The following KMT2A variants were observed in gnomAD, a reference collection of about 807,000 sequenced individuals.
The protein encoded by KMT2A is lysine methyltransferase 2A, also known as histone-lysine N-methyltransferase 2A.
A neutral mutation model predicts 345.3 loss-of-function variants in KMT2A; 16 were observed. The observed-to-expected ratio is 0.05, with a 90% confidence interval of 0.03 to 0.07. The LOEUF is 0.07. Among genes scored for constraint, KMT2A ranks in the 10% least tolerant of loss-of-function variants. The pLI is 1.00. For missense variants in KMT2A, 3,272 were observed against 4,841.6 expected (o/e 0.68, Z 9.62); for synonymous variants, 1,599 against 1,778.6 (o/e 0.90, Z 2.54).
At chr11:118,455,460 C>G (rs1949623463) in intron 1 of KMT2A, among the ~76,000 whole-genome samples, 1 of 151,992 alleles carries the variant, frequency 6.6e-6, no homozygotes, top group Non-Finnish European at 1.5e-5. Context: ...CAGTTAATGC[C>G]TTCTCTACAT....
chr11:118,512,258 A>C, intron 31 of KMT2A: 404 of 547,246 alleles, frequency 7.4e-4, no homozygotes, highest in East Asian at 1.2e-3. Flanking sequence ...GAACATTCTC[A>C]TCATCCCTAA....
rs1351038768 is a variant in KMT2A at position 118,502,132 on chromosome 11, A to T, written c.6506-266A>T. Among the ~76,000 whole-genome samples, 1 of 152,008 alleles carries T rather than the reference A, an allele frequency of 6.6e-6. No individual in the cohort carries two copies. The highest frequency in any genetic ancestry group is 2.4e-5 in the African/African-American group (1 of 41,418). On this transcript the variant is annotated intron_variant, in intron 26 of 35. Coordinates refer to ENST00000534358, the MANE Select transcript of KMT2A (RefSeq NM_001197104.2). This position sits in a 1 kb window ranked among gnomAD's most constrained non-coding sequence, Gnocchi z 4.9. ...GCCAGGTGTGGCGGTGCATGCCTGT[A>T]ATCCCAGCTACCCAGGAGGCTAAGG...
At position 118,511,932 on chromosome 11, in the gene KMT2A, T is replaced by C. The variant is rs371302797; in HGVS notation, c.11072-19T>C. On this transcript the variant is annotated intron_variant, in intron 30 of 35. Transcript: ENST00000534358. ...CGTGCATATTTTCTGGCTTACGGGTTTTCTTTATTTCCTTTCAGATGCCTG... is the reference window on the plus strand; with the variant it reads ...CGTGCATATTTTCTGGCTTACGGGTCTTCTTTATTTCCTTTCAGATGCCTG... 13 of 1,611,738 alleles carry C rather than the reference T, an allele frequency of 8.1e-6. No homozygotes were observed. In the African/African-American group the frequency reaches 1.7e-4, roughly 22 times the overall value.
At chr11:118,438,640 C>T (rs1213261480) in intron 1 of KMT2A, among the ~76,000 whole-genome samples, 2 of 152,126 alleles carry the variant, frequency 1.3e-5, no homozygotes, top group African/African-American at 2.4e-5. Context: ...CTATTGTGCC[C>T]CGCACCCCTT....
chr11:118,523,304 A>G lies in KMT2A; in HGVS notation c.*1132A>G. The G allele has an allele frequency of 4.4e-6, 1 of 229,480 alleles. No homozygotes were observed. The highest frequency in any genetic ancestry group is 6.2e-5 in the East Asian group (1 of 16,070). 14.2% of individuals were successfully genotyped at this position (229,480 alleles called of 1,614,324 possible). ...TTTTTAAACGGTCAGTGTCCAGTTG[A>G]AGGCAGAACACTAATCAGATTTCAA... On this transcript the variant is annotated 3_prime_UTR_variant, in exon 36 of 36. Coordinates refer to ENST00000534358, the MANE Select transcript of KMT2A (RefSeq NM_001197104.2).
chr11:118,485,956 G>A (rs1364426063), intron 10 of KMT2A, among the ~76,000 whole-genome samples: 3 of 152,112 alleles, frequency 2.0e-5, no homozygotes, highest in South Asian at 2.1e-4. Flanking sequence ...GGTGGCGGGC[G>A]CCTGTAGTCC....
In KMT2A at chr11:118,525,055, G is replaced by C. The variant is rs1951051873; in HGVS notation, c.*2883G>C. ...TGCCAAATTTTCAGCACACCTGCCA[G>C]CAACTTGGGGGAATAAGCGAAGGTT... is the stretch of plus-strand genomic sequence containing the variant. On this transcript the variant is annotated 3_prime_UTR_variant, in exon 36 of 36. Coordinates refer to ENST00000534358, the MANE Select transcript of KMT2A (RefSeq NM_001197104.2). 4.6e-6 allele frequency: 1 copy of C among 215,084 alleles called. No homozygotes were observed. The highest frequency in any genetic ancestry group is 5.9e-5 in the Admixed American group (1 of 17,092). 13.3% of individuals were successfully genotyped at this position (215,084 alleles called of 1,614,324 possible). A position where few individuals can be genotyped will look rare whatever the true frequency, so the allele number is the denominator to read the frequency against.
In KMT2A at chr11:118,526,368, TTCTG is replaced by T. The variant is rs1262094685; in HGVS notation, c.*4200_*4203del. 4.4e-6 allele frequency: 1 copy of T among 226,256 alleles called. No individual in the cohort carries two copies. The highest frequency in any genetic ancestry group is 8.8e-6 in the Non-Finnish European group (1 of 113,856). 14.0% of individuals were successfully genotyped at this position (226,256 alleles called of 1,614,324 possible). On this transcript the variant is annotated 3_prime_UTR_variant, in exon 36 of 36. Coordinates refer to ENST00000534358, the MANE Select transcript of KMT2A (RefSeq NM_001197104.2). ...GGTATCTTGTTCCGAGGTACTCTAG[TTCTG>T]TCTTTCAACCAAGAAAATAGAATTG... is the stretch of plus-strand genomic sequence containing the variant.
At chr11:118,439,137 CT>C in intron 1 of KMT2A, 3 of 405,690 alleles carry the variant, frequency 7.4e-6, no homozygotes, top group Non-Finnish European at 4.8e-6. Flanking sequence ...GTTGATTTTG[CT>C]TTTTTAAAAG....
chr11:118,440,033 A>T (rs1470150157), intron 1 of KMT2A, among the ~76,000 whole-genome samples: 1 of 152,116 alleles, frequency 6.6e-6, no homozygotes, highest in African/African-American at 2.4e-5. Context: ...GCTTCTCAGA[A>T]CTCACTCATA....
Position 118,519,586 on chromosome 11 carries a change from C to T in KMT2A, c.11147-32C>T, listed in dbSNP as rs782716600. ...CATGCTGTTTCCTGTTGACTGCGCTCCTCACTTCCCTGGTGCTTCTGATTC... is the reference window on the plus strand; with the variant it reads ...CATGCTGTTTCCTGTTGACTGCGCTTCTCACTTCCCTGGTGCTTCTGATTC... On this transcript the variant is annotated intron_variant, in intron 31 of 35. Transcript: ENST00000534358. 18 of 1,597,100 alleles carry T rather than the reference C, an allele frequency of 1.1e-5. 1 individual carries two copies. The South Asian group carries it at 1.8e-4, about 16-fold the overall frequency.
chr11:118,477,932 A>G, intron 4 of KMT2A, 35 bp from the exon 5 acceptor site: 1 of 1,528,240 alleles, frequency 6.5e-7, no homozygotes, highest in South Asian at 1.1e-5. Flanking sequence ...TGAATTCAGT[A>G]CTCCCTTGGA....
intron 1 of KMT2A, among the ~76,000 whole-genome samples, chr11:118,457,902 T>G (rs1949677693): frequency 6.6e-6 from 1 of 152,092 alleles, no homozygotes; most frequent in Admixed American, 6.6e-5. Flanking sequence ...CTCATCTGTT[T>G]TTAAGATTAG....
intron 5 of KMT2A, among the ~76,000 whole-genome samples, chr11:118,478,662 G>A (rs1340310851): frequency 6.6e-6 from 1 of 152,066 alleles, no homozygotes; most frequent in African/African-American, 2.4e-5. Flanking sequence ...AAATTATGTT[G>A]ACCCAACAAA....
intron 27 of KMT2A, 53 bp from the exon 28 acceptor site, chr11:118,507,476 G>A (rs1286560535): frequency 2.7e-6 from 4 of 1,488,554 alleles, no homozygotes; most frequent in Non-Finnish European, 1.9e-6. Flanking sequence ...TCCACATTCA[G>A]TACATATTTA....
At chr11:118,480,079 C>A in intron 5 of KMT2A, 95 bp from the exon 6 acceptor site, 1 of 943,442 alleles carries the variant, frequency 1.1e-6, no homozygotes, top group Non-Finnish European at 1.7e-6. Context: ...AACCTGAATA[C>A]AGATTCACTG....
chr11:118,452,618 CCTT>C (rs1555029312), intron 1 of KMT2A, among the ~76,000 whole-genome samples: 2 of 151,902 alleles, frequency 1.3e-5, no homozygotes, highest in African/African-American at 4.8e-5. Context: ...AGAAGTGCCC[CCTT>C]CTTTTTTTTT....
rs1555039400 is a variant in KMT2A at position 118,481,942 on chromosome 11, A to G, written c.3862A>G (p.Thr1288Ala). ...TGGGCCTGAATCCAAACAGGCCACCACTCCAGCTTCCAGGAAGTCAAGCAA... is the reference window on the plus strand; with the variant it reads ...TGGGCCTGAATCCAAACAGGCCACCGCTCCAGCTTCCAGGAAGTCAAGCAA... ...APGPESKQAT[T>A]PASRKSSKQV... The change falls in exon 7 of 36, where the codon ACT becomes GCT. Residue 1288 changes from threonine to alanine, a missense_variant. By Grantham distance (58) the Thr-to-Ala change is moderately conservative. This residue lies in a region of KMT2A where 168 missense variants were observed against 216.0 expected (regional missense o/e 0.78). Transcript: ENST00000534358. 5.6e-6 allele frequency: 9 copies of G among 1,614,112 alleles called. No individual in the cohort carries two copies. The highest frequency in any genetic ancestry group is 5.9e-6 in the Non-Finnish European group (7 of 1,180,020).
Position 118,436,536 on chromosome 11 carries a change from C to G in KMT2A, c.24C>G (p.Arg8=), listed in dbSNP as rs1949183250. The change falls in exon 1 of 36, where the codon CGC becomes CGG. Residue 8 remains arginine (R), a synonymous_variant. Coordinates refer to ENST00000534358, the MANE Select transcript of KMT2A (RefSeq NM_001197104.2). This position sits in a 1 kb window ranked among gnomAD's most constrained non-coding sequence, Gnocchi z 6.9. MAHSCRW[R]FPARPGTTGG... is the part of the protein sequence containing the mutation. ...ACATGGCGCACAGCTGTCGGTGGCG[C>G]TTCCCCGCCCGACCCGGGACCACCG... The G allele has an allele frequency of 8.0e-7, 1 of 1,252,792 alleles. No homozygotes were observed. Among genetic ancestry groups the G allele is most frequent in the Non-Finnish European group, 1.0e-6 (1 of 988,022 alleles). 77.6% of individuals were successfully genotyped at this position (1,252,792 alleles called of 1,614,324 possible). A position where few individuals can be genotyped will look rare whatever the true frequency, so the allele number is the denominator to read the frequency against.
Sources: gnomAD v4.1 joint callset for allele counts (sites outside exome capture counted in the v4.1 genomes callset) on GRCh38, gnomAD v4.1.1 for gene constraint, gnomAD v4.1.1 regional missense constraint, Gnocchi (gnomAD v3.1) non-coding constraint, MANE v1.5 for transcripts, NCBI Gene and HGNC (gene_info 2026-07-23, HGNC 2026-07-21) for gene names.